FOXN3: variants seen among roughly 807,000 people sequenced by gnomAD.
FOXN3 encodes forkhead box protein N3.
Under a neutral mutation model 38.4 loss-of-function variants are expected in FOXN3, and 7 were observed. The ratio of observed to expected loss-of-function variants is 0.18; its 90% confidence interval spans 0.10 to 0.34. The LOEUF (loss-of-function observed/expected upper bound fraction) is 0.34. Among genes scored for constraint, FOXN3 ranks in the 10% least tolerant of loss-of-function variants. The pLI, the probability that FOXN3 is intolerant of heterozygous loss-of-function variation, is 1.00. For synonymous variants in FOXN3, 230 were observed against 242.2 expected (o/e 0.95, Z 0.47); for missense variants, 456 against 613.4 (o/e 0.74, Z 2.71).
At chr14:89,476,122 T>C (rs1893204067) in intron 1 of FOXN3, among the ~76,000 whole-genome samples, 1 of 152,218 alleles carries the variant, frequency 6.6e-6, no homozygotes, top group Admixed American at 6.5e-5. Flanking sequence ...GGGTTTAAAC[T>C]TCTTGCTCTC....
At chr14:89,408,275 A>ATTT (rs558572660) in intron 2 of FOXN3, among the ~76,000 whole-genome samples, 1 of 144,920 alleles carries the variant, frequency 6.9e-6, no homozygotes, top group Non-Finnish European at 1.5e-5. Context: ...GAAAACGGGA[A>ATTT]TTTTTTTTTT....
chr14:89,562,818 T>C (rs1209336274), intron 1 of FOXN3, among the ~76,000 whole-genome samples: 2 of 152,246 alleles, frequency 1.3e-5, no homozygotes, highest in African/African-American at 4.8e-5. Flanking sequence ...CACTTTTGAA[T>C]GATGACATCT....
intron 4 of FOXN3, among the ~76,000 whole-genome samples, chr14:89,257,047 C>G (rs923198761): frequency 6.6e-6 from 1 of 152,194 alleles, no homozygotes; most frequent in Non-Finnish European, 1.5e-5. Context: ...AGAAACATTC[C>G]ATTGTTTAGC....
At chr14:89,269,345 G>C (rs1777925417) in intron 4 of FOXN3, among the ~76,000 whole-genome samples, 1 of 152,160 alleles carries the variant, frequency 6.6e-6, no homozygotes, top group African/African-American at 2.4e-5. Flanking sequence ...ATGGCTGGCT[G>C]TCTTGCAGTC....
At chr14:89,225,471 G>C (rs1343482387) in intron 4 of FOXN3, among the ~76,000 whole-genome samples, 1 of 151,132 alleles carries the variant, frequency 6.6e-6, no homozygotes, top group Non-Finnish European at 1.5e-5. Context: ...GGGCATGGTG[G>C]TGGGCGCCTG....
intron 1 of FOXN3, among the ~76,000 whole-genome samples, chr14:89,611,626 G>T (rs1468224494): frequency 1.3e-5 from 2 of 152,092 alleles, no homozygotes; most frequent in Non-Finnish European, 2.9e-5. Context: ...TTAACACGGT[G>T]AAACCCCGTC....
At chr14:89,460,449 T>G (rs1892821306) in intron 1 of FOXN3, among the ~76,000 whole-genome samples, 1 of 152,158 alleles carries the variant, frequency 6.6e-6, no homozygotes, top group South Asian at 2.1e-4. Context: ...ACACAGACAC[T>G]TAGCAGAGAA....
intron 1 of FOXN3, among the ~76,000 whole-genome samples, chr14:89,532,037 G>A (rs937020650): frequency 4.6e-5 from 7 of 152,212 alleles, no homozygotes; most frequent in African/African-American, 1.4e-4. Flanking sequence ...ACTTGGGAAT[G>A]TGGGAGAAAT....
chr14:89,491,341 C>T (rs542535698), intron 1 of FOXN3, among the ~76,000 whole-genome samples: 4 of 152,130 alleles, frequency 2.6e-5, no homozygotes, highest in East Asian at 1.9e-4. Context: ...TAAGTGAACG[C>T]GGAGGATGGA....
intron 4 of FOXN3, among the ~76,000 whole-genome samples, chr14:89,275,601 T>A (rs151016262): frequency 9.1e-4 from 139 of 152,250 alleles, no homozygotes; most frequent in African/African-American, 3.2e-3. Context: ...ACAACCAAGG[T>A]GAGGTATCTC....
intron 4 of FOXN3, among the ~76,000 whole-genome samples, chr14:89,211,891 C>A (rs1884103530): frequency 1.3e-5 from 2 of 152,194 alleles, no homozygotes. Context: ...GAATCCCTAA[C>A]CTCCAATTTG....
At chr14:89,368,686 G>C (rs1362998736) in intron 2 of FOXN3, among the ~76,000 whole-genome samples, 1 of 152,070 alleles carries the variant, frequency 6.6e-6, no homozygotes, top group African/African-American at 2.4e-5. Flanking sequence ...AGTCACTAAG[G>C]TATTCACCTC....
chr14:89,594,516 G>A (rs1316177837), intron 1 of FOXN3, among the ~76,000 whole-genome samples: 2 of 152,150 alleles, frequency 1.3e-5, no homozygotes. Context: ...ATCCTCTTTG[G>A]TGAAGTCCCT....
chr14:89,175,050 T>G (rs1478635905), intron 5 of FOXN3, among the ~76,000 whole-genome samples: 1 of 152,186 alleles, frequency 6.6e-6, no homozygotes, highest in African/African-American at 2.4e-5. Context: ...GAAACAAACA[T>G]CTTCTCAAGG....
intron 1 of FOXN3, among the ~76,000 whole-genome samples, chr14:89,559,761 G>GCA (rs756412213): frequency 4.6e-5 from 7 of 152,212 alleles, no homozygotes; most frequent in Non-Finnish European, 1.0e-4. Flanking sequence ...AAGCTCCTCT[G>GCA]AACACTGAGT....
intron 4 of FOXN3, among the ~76,000 whole-genome samples, chr14:89,234,746 G>T (rs1310473109): frequency 6.6e-6 from 1 of 151,194 alleles, no homozygotes; most frequent in African/African-American, 2.4e-5. Flanking sequence ...TCAAGGGTTG[G>T]ACAGGTGTGA....
intron 2 of FOXN3, among the ~76,000 whole-genome samples, chr14:89,378,312 T>C (rs1596239007): frequency 6.6e-6 from 1 of 152,250 alleles, no homozygotes; most frequent in East Asian, 1.9e-4. Flanking sequence ...GTCTGCACCA[T>C]CAGCTGGGGA....
At chr14:89,470,898 A>G (rs558948048) in intron 1 of FOXN3, among the ~76,000 whole-genome samples, 1 of 152,214 alleles carries the variant, frequency 6.6e-6, no homozygotes, top group Non-Finnish European at 1.5e-5. Flanking sequence ...CCACTCAGCA[A>G]TAAGTAGAGA....
Position 89,200,598 on chromosome 14 carries a change from C to T in FOXN3, c.746-19792G>A, listed in dbSNP as rs551974245. ...TTGATACTCCCCAGGCAGATGCTTT[C>T]GTATTTCTGTTTTCTCCGGGCAACA... On this transcript the variant is annotated intron_variant, in intron 4 of 5. Transcript: ENST00000557258. 1.5e-4 allele frequency among the ~76,000 whole-genome samples: 23 copies of T among 152,304 alleles called. 1 individual carries two copies. The highest frequency in any genetic ancestry group is 1.9e-4 in the East Asian group (1 of 5,184).
Sources: gnomAD v4.1 joint callset for allele counts (sites outside exome capture counted in the v4.1 genomes callset) on GRCh38, gnomAD v4.1.1 for gene constraint, MANE v1.5 for transcripts, NCBI Gene and HGNC (gene_info 2026-07-23, HGNC 2026-07-21) for gene names.